GRIN2A: variants seen among roughly 807,000 people sequenced by gnomAD.
GRIN2A encodes glutamate ionotropic receptor NMDA type subunit 2A, also known as glutamate receptor ionotropic, NMDA 2A.
In GRIN2A, 22 loss-of-function variants were observed where a neutral mutation model predicts 113.4. The observed-to-expected ratio is 0.19, with a 90% CI of 0.14 to 0.28. The LOEUF (loss-of-function observed/expected upper bound fraction) is 0.28. Ranked by LOEUF, GRIN2A falls within the 10% of genes least tolerant of loss-of-function variation. The pLI, the probability that GRIN2A is intolerant of heterozygous loss-of-function variation, is 1.00. For synonymous variants in GRIN2A, 827 were observed against 738.4 expected (o/e 1.12, Z -1.94); for missense variants, 1,502 against 1,887.0 (o/e 0.80, Z 3.78).
chr16:10,059,979 A>G (rs1380998427), intron 2 of GRIN2A, among the ~76,000 whole-genome samples: 1 of 104,088 alleles, frequency 9.6e-6, no homozygotes, highest in East Asian at 4.6e-4. Flanking sequence ...GAAAAGGGGG[A>G]TGCAGGAGAC....
In GRIN2A at chr16:10,166,010, C is replaced by T. The variant is rs559716749; in HGVS notation, c.414+13988G>A. Among the ~76,000 whole-genome samples the T allele has an allele frequency of 3.3e-5, 5 of 152,296 alleles. No homozygotes were observed. The South Asian group carries it at 1.0e-3, about 32-fold the overall frequency. Reference sequence around the variant, plus strand: ...ACTACAGCAAGCCTGCCTTTTTCCACAGCTCCACAGCTTCTTCACATCGTT... The same window carrying T: ...ACTACAGCAAGCCTGCCTTTTTCCATAGCTCCACAGCTTCTTCACATCGTT... On this transcript the variant is annotated intron_variant, in intron 2 of 12. Coordinates refer to ENST00000330684, the MANE Select transcript of GRIN2A (RefSeq NM_001134407.3).
At chr16:10,169,752 A>AG (rs2050001883) in intron 2 of GRIN2A, among the ~76,000 whole-genome samples, 1 of 152,338 alleles carries the variant, frequency 6.6e-6, no homozygotes, top group East Asian at 1.9e-4. Context: ...TGTTGGTCAA[A>AG]GACTCTGTTA....
intron 2 of GRIN2A, among the ~76,000 whole-genome samples, chr16:9,984,495 T>C (rs939644069): frequency 6.6e-6 from 1 of 152,234 alleles, no homozygotes; most frequent in Non-Finnish European, 1.5e-5. Context: ...GTTTTACACG[T>C]CAGTCTTTAA....
intron 10 of GRIN2A, among the ~76,000 whole-genome samples, chr16:9,810,118 C>A (rs1251622539): frequency 6.6e-6 from 1 of 152,118 alleles, no homozygotes; most frequent in Non-Finnish European, 1.5e-5. Context: ...ACAACTGAGA[C>A]CAGGAGGCAG....
intron 2 of GRIN2A, among the ~76,000 whole-genome samples, chr16:10,004,985 A>G (rs749428020): frequency 3.9e-5 from 6 of 152,240 alleles, no homozygotes; most frequent in Non-Finnish European, 8.8e-5. Context: ...TGCATTATAA[A>G]TTAGATGCCC....
At chr16:9,852,906 G>A (rs564127814) in intron 4 of GRIN2A, among the ~76,000 whole-genome samples, 1 of 152,296 alleles carries the variant, frequency 6.6e-6, no homozygotes, top group South Asian at 2.1e-4. Flanking sequence ...GCTAGACACT[G>A]AGAATACTGT....
At chr16:9,945,053 G>A (rs1421173796) in intron 2 of GRIN2A, among the ~76,000 whole-genome samples, 2 of 152,144 alleles carry the variant, frequency 1.3e-5, no homozygotes, top group Non-Finnish European at 2.9e-5. Flanking sequence ...GGGTATGGTG[G>A]CTCATGCCTG....
chr16:10,100,333 A>T (rs1331344980), intron 2 of GRIN2A, among the ~76,000 whole-genome samples: 2 of 152,212 alleles, frequency 1.3e-5, no homozygotes, highest in African/African-American at 4.8e-5. Flanking sequence ...TTGAGCAAGA[A>T]GCAAAGATGC....
intron 2 of GRIN2A, among the ~76,000 whole-genome samples, chr16:10,041,787 C>G (rs2047170831): frequency 6.6e-6 from 1 of 152,194 alleles, no homozygotes; most frequent in Non-Finnish European, 1.5e-5. Context: ...TAAATCCAAC[C>G]TACTCCGCTG....
At chr16:9,924,129 A>AAAAC (rs1567178405) in intron 3 of GRIN2A, among the ~76,000 whole-genome samples, 4 of 132,794 alleles carry the variant, frequency 3.0e-5, no homozygotes, top group Non-Finnish European at 3.2e-5. Flanking sequence ...AAAAAAAAAA[A>AAAAC]AAAAAAAAAA....
intron 2 of GRIN2A, among the ~76,000 whole-genome samples, chr16:9,983,002 A>G (rs1453448672): frequency 6.6e-6 from 1 of 152,184 alleles, no homozygotes; most frequent in African/African-American, 2.4e-5. Context: ...TTGACATTGT[A>G]TATTAATATT....
At chr16:10,046,058 T>C (rs533119714) in intron 2 of GRIN2A, among the ~76,000 whole-genome samples, 17 of 151,920 alleles carry the variant, frequency 1.1e-4, no homozygotes, top group South Asian at 6.3e-4. Flanking sequence ...AAAGACAAAA[T>C]TGTCCCCAGT....
intron 3 of GRIN2A, among the ~76,000 whole-genome samples, chr16:9,892,475 G>A (rs116901851): frequency 1.4e-4 from 21 of 152,272 alleles, no homozygotes; most frequent in South Asian, 6.2e-4. Context: ...AAACAAGACC[G>A]AGTGGAGAGA....
At chr16:10,152,708 C>G (rs1313760572) in intron 2 of GRIN2A, among the ~76,000 whole-genome samples, 1 of 152,170 alleles carries the variant, frequency 6.6e-6, no homozygotes. Context: ...TCCCCATAGC[C>G]ATACCCTAAA....
chr16:10,077,360 C>G (rs1248153259), intron 2 of GRIN2A, among the ~76,000 whole-genome samples: 1 of 152,228 alleles, frequency 6.6e-6, no homozygotes, highest in Non-Finnish European at 1.5e-5. Flanking sequence ...ACATTAGCCC[C>G]TGACTTCGTT....
chr16:9,759,913 G>A lies in GRIN2A; in HGVS notation c.*3236C>T, dbSNP rs994473104. 3.0e-5 allele frequency: 7 copies of A among 230,722 alleles called. No individual in the cohort carries two copies. Among genetic ancestry groups the A allele is most frequent in the Non-Finnish European group, 5.1e-5 (6 of 116,674 alleles). The allele number at this position is 230,722 out of a possible 1,614,324, so 14.3% of individuals were successfully genotyped here. On this transcript the variant is annotated 3_prime_UTR_variant, in exon 13 of 13. Transcript: ENST00000330684. ...CTCAAGTACAGTTTATGCTCTAGAA[G>A]ACTCTCTTACCCAGAGTATTTTAAA...
intron 4 of GRIN2A, among the ~76,000 whole-genome samples, chr16:9,873,900 G>A (rs1200432890): frequency 6.6e-6 from 1 of 152,182 alleles, no homozygotes; most frequent in African/African-American, 2.4e-5. Context: ...GGCCAGCACG[G>A]TAGGAATCAA....
intron 2 of GRIN2A, among the ~76,000 whole-genome samples, chr16:9,959,776 C>A (rs2045394782): frequency 6.6e-6 from 1 of 152,170 alleles, no homozygotes; most frequent in African/African-American, 2.4e-5. Flanking sequence ...GAGTTCGAGA[C>A]CAGCCTGGCC....
intron 2 of GRIN2A, among the ~76,000 whole-genome samples, chr16:9,976,221 T>C (rs1444952136): frequency 1.3e-5 from 2 of 152,186 alleles, no homozygotes; most frequent in Non-Finnish European, 1.5e-5. Context: ...AACCATATCA[T>C]TAAATCCTGG....
Sources: gnomAD v4.1 joint callset for allele counts (sites outside exome capture counted in the v4.1 genomes callset) on GRCh38, gnomAD v4.1.1 for gene constraint, MANE v1.5 for transcripts, NCBI Gene and HGNC (gene_info 2026-07-23, HGNC 2026-07-21) for gene names.